ISCA1: variants seen among roughly 807,000 people sequenced by gnomAD.
ISCA1 encodes the protein iron-sulfur cluster assembly 1 homolog, mitochondrial.
In ISCA1, 9 loss-of-function variants were observed where a neutral mutation model predicts 14.7. That is an observed-to-expected ratio of 0.61 (90% CI 0.37 to 1.07). The LOEUF is 1.07. Ranked by LOEUF, ISCA1 falls within the 50% of genes least tolerant of loss-of-function variation. The pLI is 0.01. For synonymous variants in ISCA1, 38 were observed against 54.3 expected, an observed-to-expected ratio of 0.70 and a Z score of 1.32; for missense variants, 102 against 150.1, an observed-to-expected ratio of 0.68 and a Z score of 1.67.
chr9:86,282,275 T>A (rs902715124), intron 1 of ISCA1, 103 bp downstream of exon 1: 5 of 1,275,380 alleles, frequency 3.9e-6, no homozygotes, highest in Non-Finnish European at 5.3e-6. Context: ...AGGTCTGACG[T>A]GTCCGCGTCC....
intron 1 of ISCA1, among the ~76,000 whole-genome samples, chr9:86,275,077 C>G (rs1018680365): frequency 8.5e-5 from 13 of 152,196 alleles, no homozygotes; most frequent in African/African-American, 3.1e-4. Flanking sequence ...CCCTAAGTGG[C>G]TTCTCTGACT....
intron 3 of ISCA1, chr9:86,267,312 T>G (rs1825303051): frequency 1.2e-6 from 1 of 811,154 alleles, no homozygotes; most frequent in African/African-American, 1.9e-5. Context: ...AATATATAAT[T>G]AAGTCACCTC....
rs138592911 is a variant in ISCA1 at position 86,264,752 on chromosome 9, T to G, written c.*1291A>C. ...ACGAAACATAAAGGAACTCAGCTAC[T>G]TGAATTCATGAGAATCAGCTTTCAA... On this transcript the variant is annotated 3_prime_UTR_variant, in exon 4 of 4. Transcript: ENST00000375991. 4.2e-4 allele frequency: 64 copies of G among 152,490 alleles called. 1 individual carries two copies. In the East Asian group the frequency reaches 0.012, roughly 29 times the overall value. The allele number at this position is 152,490 out of a possible 1,614,324, so 9.4% of individuals were successfully genotyped here.
intron 3 of ISCA1, among the ~76,000 whole-genome samples, chr9:86,268,409 A>G (rs1316863792): frequency 6.7e-6 from 1 of 150,040 alleles, no homozygotes; most frequent in African/African-American, 2.4e-5. Flanking sequence ...TATTTGTACA[A>G]TGTGTTTCAA....
At position 86,280,393 on chromosome 9, in the gene ISCA1, G is replaced by A. The variant is rs117203249; in HGVS notation, c.81+1985C>T. Among the ~76,000 whole-genome samples, 81 of 151,972 alleles carry A rather than the reference G, an allele frequency of 5.3e-4. 1 individual carries two copies. The East Asian group carries it at 0.015, about 29-fold the overall frequency. ...GAGGTCAGGAGTCCAAGACCAGCCT[G>A]GTGAAGATGGTGAAACCCCATCTCT... On this transcript the variant is annotated intron_variant, in intron 1 of 3. Transcript: ENST00000375991.
intron 1 of ISCA1, among the ~76,000 whole-genome samples, chr9:86,281,185 C>T (rs998288914): frequency 2.0e-5 from 3 of 152,126 alleles, no homozygotes; most frequent in Non-Finnish European, 4.4e-5. Flanking sequence ...TGAAAATAAG[C>T]TTGCTCCTAC....
chr9:86,274,272 C>T (rs1415507888), intron 1 of ISCA1, 30 bp from the exon 2 acceptor site: 1 of 1,445,528 alleles, frequency 6.9e-7, no homozygotes, highest in Admixed American at 1.7e-5. Context: ...TTTTTAGCTA[C>T]AAAACTTGTT....
chr9:86,280,356 C>T (rs1001738086), intron 1 of ISCA1, among the ~76,000 whole-genome samples: 2 of 151,894 alleles, frequency 1.3e-5, no homozygotes. Flanking sequence ...GAGGCTGAGA[C>T]GAGTGGATCA....
At chr9:86,266,217 T>C (rs879514023) in intron 3 of ISCA1, 26 bp from the exon 4 acceptor site, 46 of 1,585,038 alleles carry the variant, frequency 2.9e-5, no homozygotes, top group Non-Finnish European at 3.7e-5. Context: ...ACATGTGTCA[T>C]GGAAAGCCTG....
chr9:86,266,030 G>T lies in ISCA1; in HGVS notation c.*13C>A. ...GCTTTCCTGGAACCTACGGCCAGAA[G>T]AGTCCTGAGATTTCAAATATTAAAG... On this transcript the variant is annotated 3_prime_UTR_variant, in exon 4 of 4. Coordinates refer to ENST00000375991, the MANE Select transcript of ISCA1 (RefSeq NM_030940.4). 1.2e-6 allele frequency: 2 copies of T among 1,611,888 alleles called. No individual in the cohort carries two copies. The highest frequency in any genetic ancestry group is 4.5e-5 in the East Asian group (2 of 44,872).
At chr9:86,281,605 T>C (rs984968030) in intron 1 of ISCA1, among the ~76,000 whole-genome samples, 4 of 152,266 alleles carry the variant, frequency 2.6e-5, no homozygotes, top group Non-Finnish European at 5.9e-5. Context: ...TTTTATGTTA[T>C]GTGGATTTTC....
At chr9:86,269,549 C>G (rs1340981175) in intron 3 of ISCA1, among the ~76,000 whole-genome samples, 1 of 151,900 alleles carries the variant, frequency 6.6e-6, no homozygotes, top group Non-Finnish European at 1.5e-5. Flanking sequence ...CCATCCCCAT[C>G]AAGCTACCAA....
chr9:86,282,178 G>C (rs985493835), intron 1 of ISCA1, 200 bp downstream of exon 1: 1 of 616,150 alleles, frequency 1.6e-6, no homozygotes, highest in Non-Finnish European at 2.7e-6. Context: ...CAAGAGAGCA[G>C]CCCCGCCCGG....
chr9:86,272,244 A>G, intron 2 of ISCA1, 132 bp from the exon 3 acceptor site: 2 of 667,410 alleles, frequency 3.0e-6, no homozygotes, highest in African/African-American at 1.8e-5. Context: ...GGGTCTCACT[A>G]TGTAGCCCAG....
In ISCA1 at chr9:86,275,786, A is replaced by G. The variant is rs903539164; in HGVS notation, c.82-1544T>C. 1.1e-4 allele frequency among the ~76,000 whole-genome samples: 17 copies of G among 152,344 alleles called. 1 individual carries two copies. The highest frequency in any genetic ancestry group is 4.1e-4 in the African/African-American group (17 of 41,586). On this transcript the variant is annotated intron_variant, in intron 1 of 3. Coordinates refer to ENST00000375991, the MANE Select transcript of ISCA1 (RefSeq NM_030940.4). Reference sequence around the variant, plus strand: ...AAGGAGGCATGCAGTCCTCCAACGCAGGAAGTAGCACACAGGGTGGAAGGA... The same window carrying G: ...AAGGAGGCATGCAGTCCTCCAACGCGGGAAGTAGCACACAGGGTGGAAGGA...
At position 86,282,212 on chromosome 9, in the gene ISCA1, G is replaced by A. The variant is rs1055794548; in HGVS notation, c.81+166C>T. ...GGGACTTGTTTATCGTTGCAAAGAG[G>A]GGCCGGAGGCGAAGGAGGCGGCGAG... On this transcript the variant is annotated intron_variant, in intron 1 of 3. Transcript: ENST00000375991. 7 of 692,160 alleles carry A rather than the reference G, an allele frequency of 1.0e-5. No individual in the cohort carries two copies. In the Admixed American group the frequency reaches 1.3e-4, roughly 12 times the overall value. The allele number at this position is 692,160 out of a possible 1,614,324, so 42.9% of individuals were successfully genotyped here. A position where few individuals can be genotyped will look rare whatever the true frequency, so the allele number is the denominator to read the frequency against.
intron 3 of ISCA1, among the ~76,000 whole-genome samples, chr9:86,268,107 C>T (rs1354739845): frequency 6.6e-6 from 1 of 151,554 alleles, no homozygotes; most frequent in Admixed American, 6.6e-5. Flanking sequence ...TGTACTTCTA[C>T]TTATAAAAAA....
At chr9:86,272,218 T>C in intron 2 of ISCA1, 106 bp from the exon 3 acceptor site, 1 of 734,244 alleles carries the variant, frequency 1.4e-6, no homozygotes, top group Non-Finnish European at 2.4e-6. Context: ...GACTTTCTCT[T>C]ATTTTTTGTA....
At chr9:86,282,289 CG>C in intron 1 of ISCA1, 88 bp downstream of exon 1, 1 of 1,387,582 alleles carries the variant, frequency 7.2e-7, no homozygotes, top group South Asian at 1.4e-5. Context: ...CGCGTCCCTG[CG>C]GCCCCACTCC....
Sources: allele counts gnomAD v4.1 joint callset (sites outside exome capture counted in the v4.1 genomes callset), GRCh38; gene constraint gnomAD v4.1.1; transcripts MANE v1.5; gene names NCBI Gene and HGNC (gene_info 2026-07-23, HGNC 2026-07-21).